SHROOM3: variants seen among roughly 807,000 people sequenced by gnomAD.
SHROOM3 encodes the protein shroom family member 3, also known as protein Shroom3.
A neutral mutation model predicts 138.6 loss-of-function variants in SHROOM3; 47 were observed. The observed-to-expected ratio is 0.34, with a 90% CI of 0.27 to 0.43. SHROOM3 has a LOEUF of 0.43. SHROOM3 is among the 20% of genes least tolerant of loss of function. SHROOM3 has a pLI of 1.00. For synonymous variants in SHROOM3, 1,062 were observed against 1,063.3 expected, an observed-to-expected ratio of 1.00 and a Z score of 0.02; for missense variants, 2,491 against 2,596.5, an observed-to-expected ratio of 0.96 and a Z score of 0.88.
chr4:76,485,783 G>A (rs1459434372), intron 1 of SHROOM3, among the ~76,000 whole-genome samples: 2 of 152,146 alleles, frequency 1.3e-5, no homozygotes, highest in Non-Finnish European at 2.9e-5. Context: ...CTTATGTAGG[G>A]TTGTAGTAGA....
chr4:76,472,707 T>C (rs1020133249), intron 1 of SHROOM3, among the ~76,000 whole-genome samples: 4 of 152,094 alleles, frequency 2.6e-5, no homozygotes, highest in African/African-American at 4.8e-5. Context: ...TTCTTTTTTT[T>C]TTTTGTGATA....
At chr4:76,512,800 C>T (rs1732365618) in intron 1 of SHROOM3, among the ~76,000 whole-genome samples, 1 of 152,072 alleles carries the variant, frequency 6.6e-6, no homozygotes, top group South Asian at 2.1e-4. Context: ...TGGTAAAGGC[C>T]TTATCACAGA....
intron 2 of SHROOM3, among the ~76,000 whole-genome samples, chr4:76,678,219 T>A (rs1719095591): frequency 6.6e-6 from 1 of 152,104 alleles, no homozygotes; most frequent in South Asian, 2.1e-4. Flanking sequence ...TAATGGAAAA[T>A]TTTTCTTTTC....
Position 76,754,771 on chromosome 4 carries a change from C to A in SHROOM3, c.4288C>A (p.Arg1430=). The part of the protein sequence containing the change: ...VSLPQWPPPS[R]AKWAHAARED... Reference sequence around the variant, plus strand: ...GCTGCCTCAGTGGCCACCTCCTTCTCGAGCAAAGTGGGCCCACGCAGCCAG... The same window carrying A: ...GCTGCCTCAGTGGCCACCTCCTTCTAGAGCAAAGTGGGCCCACGCAGCCAG... The change falls in exon 7 of 11, where the codon CGA becomes AGA. Residue 1430 remains arginine, a synonymous_variant. Coordinates refer to ENST00000296043, the MANE Select transcript of SHROOM3 (RefSeq NM_020859.4). The A allele has an allele frequency of 6.2e-7, 1 of 1,614,178 alleles. No homozygotes were observed. Among genetic ancestry groups the A allele is most frequent in the East Asian group, 2.2e-5 (1 of 44,880 alleles).
rs1384897057 is a variant in SHROOM3, at chr4:76,512,545, T to C, written c.169-43064T>C. The stretch of plus-strand genomic sequence containing the variant: ...TCTACCTGCTTTAGGGGTCACACCC[T>C]CTGCAGGGTGCTTGGGGATCGAGGG... On this transcript the variant is annotated intron_variant, in intron 1 of 10. Transcript: ENST00000296043. Among the ~76,000 whole-genome samples, 3 of 152,196 alleles carry C rather than the reference T, an allele frequency of 2.0e-5. No individual in the cohort carries two copies. In the East Asian group the frequency reaches 5.8e-4, roughly 29 times the overall value.
rs772151044 is a variant in SHROOM3 at position 76,436,037 on chromosome 4, G to A, written c.-16G>A. The A allele has an allele frequency of 6.2e-7, 1 of 1,613,012 alleles. No individual in the cohort carries two copies. The highest frequency in any genetic ancestry group is 1.7e-5 in the Admixed American group (1 of 59,880). ...TCAGGCATTTTAAATTTAACTTGAG[G>A]GATCATGTGTTTGGCATGATGAGGA... On this transcript the variant is annotated 5_prime_UTR_variant, in exon 1 of 11. Coordinates refer to ENST00000296043, the MANE Select transcript of SHROOM3 (RefSeq NM_020859.4).
intron 10 of SHROOM3, among the ~76,000 whole-genome samples, chr4:76,771,350 A>C (rs71607377): frequency 0.059 from 8,873 of 151,538 alleles, 291 homozygotes; most frequent in Non-Finnish European, 0.071. Flanking sequence ...TGCACTCCAG[A>C]CTGGGCGACC....
At chr4:76,628,134 A>G (rs566958740) in intron 2 of SHROOM3, among the ~76,000 whole-genome samples, 2 of 152,356 alleles carry the variant, frequency 1.3e-5, no homozygotes, top group African/African-American at 4.8e-5. Context: ...AAACCTAGAA[A>G]TGGCTTTAAA....
intron 3 of SHROOM3, among the ~76,000 whole-genome samples, chr4:76,711,389 T>C (rs1720224369): frequency 6.6e-6 from 1 of 152,218 alleles, no homozygotes; most frequent in Admixed American, 6.5e-5. Context: ...TAACCAATTA[T>C]CTTGATTTCA....
chr4:76,492,411 A>G (rs1731872748), intron 1 of SHROOM3, among the ~76,000 whole-genome samples: 2 of 152,250 alleles, frequency 1.3e-5, no homozygotes, highest in South Asian at 4.1e-4. Flanking sequence ...GAGATTCAAA[A>G]GGTACATTAC....
At chr4:76,652,759 C>A (rs1283398906) in intron 2 of SHROOM3, among the ~76,000 whole-genome samples, 1 of 151,750 alleles carries the variant, frequency 6.6e-6, no homozygotes, top group East Asian at 1.9e-4. Flanking sequence ...CTCCCTCTCT[C>A]TCTCTCTCTC....
intron 1 of SHROOM3, among the ~76,000 whole-genome samples, chr4:76,454,911 CTATTGTA>C (rs1420394360): frequency 6.6e-6 from 1 of 152,000 alleles, no homozygotes; most frequent in African/African-American, 2.4e-5. Flanking sequence ...CTTTTTGATG[CTATTGTA>C]TATGGAATTT....
intron 2 of SHROOM3, among the ~76,000 whole-genome samples, chr4:76,581,466 C>T (rs1734052130): frequency 6.6e-6 from 1 of 152,150 alleles, no homozygotes; most frequent in Non-Finnish European, 1.5e-5. Flanking sequence ...TTATACTGGA[C>T]AGGCATTGTA....
intron 1 of SHROOM3, among the ~76,000 whole-genome samples, chr4:76,512,008 T>C (rs1732347862): frequency 6.6e-6 from 1 of 152,108 alleles, no homozygotes; most frequent in Non-Finnish European, 1.5e-5. Flanking sequence ...CAGGAGAATA[T>C]TTTCAACCTG....
At chr4:76,532,476 C>T (rs1339811967) in intron 1 of SHROOM3, 2 of 152,154 alleles carry the variant, frequency 1.3e-5, no homozygotes, top group Non-Finnish European at 2.9e-5. Context: ...TACCCCTGAT[C>T]CACAGGGGAG....
At chr4:76,454,682 G>GT (rs1326349554) in intron 1 of SHROOM3, among the ~76,000 whole-genome samples, 4 of 152,146 alleles carry the variant, frequency 2.6e-5, no homozygotes, top group South Asian at 2.1e-4. Flanking sequence ...TTTAAGATAG[G>GT]TTTTTTTATT....
chr4:76,652,766 T>TCG (rs1735987257), intron 2 of SHROOM3, among the ~76,000 whole-genome samples: 1 of 151,722 alleles, frequency 6.6e-6, no homozygotes, highest in Non-Finnish European at 1.5e-5. Context: ...TCTCTCTCTC[T>TCG]CTCTGTGATG....
chr4:76,761,694 C>A (rs887643440), intron 9 of SHROOM3, among the ~76,000 whole-genome samples: 7 of 152,112 alleles, frequency 4.6e-5, no homozygotes, highest in Non-Finnish European at 1.0e-4. Context: ...GAGATTAAAA[C>A]CAGTTAAAAC....
At chr4:76,719,509 AT>A (rs1329949061) in intron 3 of SHROOM3, among the ~76,000 whole-genome samples, 1 of 152,236 alleles carries the variant, frequency 6.6e-6, no homozygotes, top group Non-Finnish European at 1.5e-5. Flanking sequence ...GCAAAGATGA[AT>A]GCTATTACAC....
Sources: gnomAD v4.1 joint callset for allele counts (sites outside exome capture counted in the v4.1 genomes callset) on GRCh38, gnomAD v4.1.1 for gene constraint, MANE v1.5 for transcripts, NCBI Gene and HGNC (gene_info 2026-07-23, HGNC 2026-07-21) for gene names.